PRKG1: variants seen among roughly 807,000 people sequenced by gnomAD.
PRKG1 encodes the protein protein kinase cGMP-dependent 1, also known as cGMP-dependent protein kinase 1.
PRKG1 carries 35 observed loss-of-function variants against 88.1 expected under a neutral mutation model. The ratio of observed to expected loss-of-function variants is 0.40; its 90% CI spans 0.30 to 0.53. The LOEUF (loss-of-function observed/expected upper bound fraction) is 0.53, where lower values mean the gene tolerates loss of function less well. PRKG1 is among the 20% of genes least tolerant of loss of function. The probability of loss-of-function intolerance (pLI) is 0.59; values close to 1 mark genes in which losing one functional copy is unlikely to be tolerated. For synonymous variants in PRKG1, 303 were observed against 292.5 expected, an observed-to-expected ratio of 1.04 and a Z score of -0.37; for missense variants, 540 against 839.8, an observed-to-expected ratio of 0.64 and a Z score of 4.41.
chr10:51,159,764 A>G (rs1846314290), intron 2 of PRKG1, among the ~76,000 whole-genome samples: 1 of 152,130 alleles, frequency 6.6e-6, no homozygotes, highest in African/African-American at 2.4e-5. Context: ...TATTTCATGG[A>G]CAGATTTAGG....
In PRKG1 at chr10:51,922,521, T is replaced by C. The variant is rs535419964; in HGVS notation, c.762+14951T>C. On this transcript the variant is annotated intron_variant, in intron 5 of 17. Transcript: ENST00000373980. ...TTTTTAGATCTTTCTTCCTTTGTAA[T>C]GTATTCATTCAATGCTGTAATATTT... Among the ~76,000 whole-genome samples, 4 of 152,048 alleles carry C rather than the reference T, an allele frequency of 2.6e-5. No individual in the cohort carries two copies. In the East Asian group the frequency reaches 7.7e-4, roughly 29 times the overall value.
chr10:51,360,778 A>G (rs996130744), intron 2 of PRKG1, among the ~76,000 whole-genome samples: 1 of 151,928 alleles, frequency 6.6e-6, no homozygotes, highest in African/African-American at 2.4e-5. Context: ...TGGTTGAGCC[A>G]TCCACATACT....
chr10:51,428,237 G>T (rs1048151420), intron 2 of PRKG1, among the ~76,000 whole-genome samples: 2 of 152,128 alleles, frequency 1.3e-5, no homozygotes, highest in African/African-American at 2.4e-5. Flanking sequence ...AAAACTTGTG[G>T]CAAATTCTAT....
At chr10:51,821,787 A>G (rs1236836890) in intron 4 of PRKG1, among the ~76,000 whole-genome samples, 4 of 152,166 alleles carry the variant, frequency 2.6e-5, no homozygotes, top group African/African-American at 9.6e-5. Context: ...AATAGAATTG[A>G]GAGCCCAGAA....
chr10:51,730,054 T>C (rs557512469), intron 3 of PRKG1, among the ~76,000 whole-genome samples: 3 of 152,256 alleles, frequency 2.0e-5, no homozygotes, highest in Non-Finnish European at 2.9e-5. Flanking sequence ...GGTTCACTTG[T>C]GGTGTTATGC....
chr10:51,081,607 C>A (rs1844113372), intron 1 of PRKG1, among the ~76,000 whole-genome samples: 1 of 152,190 alleles, frequency 6.6e-6, no homozygotes, highest in South Asian at 2.1e-4. Flanking sequence ...AGAATAAGGG[C>A]AACAACTCAG....
chr10:51,453,335 T>C (rs1236585547), intron 2 of PRKG1, among the ~76,000 whole-genome samples: 1 of 152,034 alleles, frequency 6.6e-6, no homozygotes, highest in Non-Finnish European at 1.5e-5. Flanking sequence ...ATCTTTGTGA[T>C]TTCTTTGATT....
intron 2 of PRKG1, among the ~76,000 whole-genome samples, chr10:51,313,694 G>A (rs1263360749): frequency 6.6e-6 from 1 of 152,134 alleles, no homozygotes; most frequent in Non-Finnish European, 1.5e-5. Flanking sequence ...CCAGGACCCA[G>A]AGCGGGTACC....
At chr10:51,027,849 C>T (rs1475046073) in intron 1 of PRKG1, among the ~76,000 whole-genome samples, 1 of 152,106 alleles carries the variant, frequency 6.6e-6, no homozygotes, top group Non-Finnish European at 1.5e-5. Flanking sequence ...AACCCAGGAA[C>T]CCTTAATTGT....
chr10:52,104,515 A>C (rs2132574185), intron 7 of PRKG1, among the ~76,000 whole-genome samples: 1 of 152,160 alleles, frequency 6.6e-6, no homozygotes, highest in Middle Eastern at 3.4e-3. Context: ...AAAAATTGTT[A>C]TCACTGTGGA....
intron 3 of PRKG1, among the ~76,000 whole-genome samples, chr10:51,530,526 T>A (rs1445633378): frequency 6.6e-6 from 1 of 152,156 alleles, no homozygotes; most frequent in Non-Finnish European, 1.5e-5. Flanking sequence ...TGTTATTAAA[T>A]CTCCTATTTT....
rs78064589 is a variant in PRKG1 at position 51,591,972 on chromosome 10, G to A, written c.592+124136G>A. ...CAACAAACTCTATTCCCCCTGTTAG[G>A]GGGGAAAACACATTCTAATACAGCT... On this transcript the variant is annotated intron_variant, in intron 3 of 17. Coordinates refer to ENST00000373980, the MANE Select transcript of PRKG1 (RefSeq NM_006258.4). Among the ~76,000 whole-genome samples the A allele has an allele frequency of 4.7e-3, 715 of 152,200 alleles. 8 individuals carry two copies. Among genetic ancestry groups the A allele is most frequent in the African/African-American group, 0.017 (689 of 41,548 alleles).
At chr10:52,185,512 T>C (rs1040120756) in intron 9 of PRKG1, among the ~76,000 whole-genome samples, 3 of 152,182 alleles carry the variant, frequency 2.0e-5, no homozygotes, top group African/African-American at 4.8e-5. Context: ...CCTGTGGCTG[T>C]ACCCTTCTGG....
chr10:51,166,718 G>T (rs190328828), intron 2 of PRKG1, among the ~76,000 whole-genome samples: 1 of 151,996 alleles, frequency 6.6e-6, no homozygotes, highest in African/African-American at 2.4e-5. Flanking sequence ...TCTTCATGTT[G>T]AGTAACCAGT....
At chr10:51,483,946 G>T (rs1840446901) in intron 3 of PRKG1, among the ~76,000 whole-genome samples, 1 of 152,256 alleles carries the variant, frequency 6.6e-6, no homozygotes, top group South Asian at 2.1e-4. Context: ...AATAATCTAA[G>T]CAAATTCATA....
rs774582033 is a variant in PRKG1 at position 52,282,310 on chromosome 10, C to A, written c.1703C>A (p.Thr568Asn). Reference protein sequence around the residue: ...SLGILMYELLTGSPPFSGPDP... With the variant: ...SLGILMYELLNGSPPFSGPDP... The stretch of plus-strand genomic sequence containing the variant: ...GGAATCCTAATGTATGAACTCCTGA[C>A]TGGCAGGTATGGATATTGATAGGGA... Residue 568 changes from threonine (T) to asparagine (N), a missense_variant, in exon 14 of 18, where the codon ACT becomes AAT. Physicochemically the swap from Thr to Asn is moderately conservative, Grantham distance 65. Coordinates refer to ENST00000373980, the MANE Select transcript of PRKG1 (RefSeq NM_006258.4). The A allele has an allele frequency of 3.8e-6, 6 of 1,596,954 alleles. No homozygotes were observed. The highest frequency in any genetic ancestry group is 3.4e-6 in the Non-Finnish European group (4 of 1,171,012).
At chr10:51,073,819 T>G (rs1843874472), upstream of PRKG1, among the ~76,000 whole-genome samples, 1 of 152,068 alleles carries the variant, frequency 6.6e-6, no homozygotes, top group Non-Finnish European at 1.5e-5. Context: ...AGAGGCAAGT[T>G]TCTTCGCAAG....
intron 3 of PRKG1, among the ~76,000 whole-genome samples, chr10:51,706,392 A>C (rs537806071): frequency 6.6e-6 from 1 of 152,318 alleles, no homozygotes; most frequent in Admixed American, 6.5e-5. Context: ...ACACAGGATG[A>C]ATCACTGTTA....
intron 3 of PRKG1, among the ~76,000 whole-genome samples, chr10:51,602,738 G>A (rs1224439147): frequency 0.28 from 11,331 of 40,622 alleles, 1,581 homozygotes; most frequent in African/African-American, 0.47. Flanking sequence ...ATATATGTGT[G>A]TGTGTGTGTG....
Sources: gnomAD v4.1 joint callset for allele counts (sites outside exome capture counted in the v4.1 genomes callset) on GRCh38, gnomAD v4.1.1 for gene constraint, MANE v1.5 for transcripts, NCBI Gene and HGNC (gene_info 2026-07-23, HGNC 2026-07-21) for gene names.